The following MTUS2 variants were observed in gnomAD, a reference collection of about 807,000 sequenced individuals.
MTUS2 encodes the protein microtubule associated scaffold protein 2.
MTUS2 carries 40 observed loss-of-function variants against 114.1 expected under a neutral mutation model. That is an observed-to-expected ratio of 0.35 (90% CI 0.27 to 0.46). The LOEUF (loss-of-function observed/expected upper bound fraction) is 0.46. Ranked by LOEUF, MTUS2 falls within the 20% of genes least tolerant of loss-of-function variation. The pLI is 1.00. For missense variants in MTUS2, 1,679 were observed against 1,705.4 expected, an observed-to-expected ratio of 0.98 and a Z score of 0.27; for synonymous variants, 688 against 672.0, an observed-to-expected ratio of 1.02 and a Z score of -0.37.
chr13:29,479,504 C>G (rs1042773945), intron 9 of MTUS2, among the ~76,000 whole-genome samples: 7 of 152,192 alleles, frequency 4.6e-5, no homozygotes, highest in Non-Finnish European at 1.0e-4. Flanking sequence ...AACCATGAAT[C>G]TGTGATTAGG....
intron 8 of MTUS2, among the ~76,000 whole-genome samples, chr13:29,427,827 GT>G (rs1876662017): frequency 6.6e-6 from 1 of 152,152 alleles, no homozygotes; most frequent in African/African-American, 2.4e-5. Flanking sequence ...CCTCTGAGGG[GT>G]ATCAGGGCAT....
intron 3 of MTUS2, among the ~76,000 whole-genome samples, chr13:29,032,783 G>A (rs1163735255): frequency 6.6e-6 from 1 of 152,176 alleles, no homozygotes; most frequent in Non-Finnish European, 1.5e-5. Context: ...CCCCATTAAA[G>A]AATACTGTTA....
intron 2 of MTUS2, among the ~76,000 whole-genome samples, chr13:28,915,188 A>G (rs1311424528): frequency 3.3e-5 from 5 of 151,852 alleles, no homozygotes; most frequent in African/African-American, 1.2e-4. Flanking sequence ...TTCTTTATTT[A>G]TTCATCTGTT....
intron 6 of MTUS2, among the ~76,000 whole-genome samples, chr13:29,323,485 C>T (rs985163215): frequency 3.9e-5 from 6 of 152,100 alleles, no homozygotes; most frequent in African/African-American, 1.2e-4. Flanking sequence ...CTCCTGACCT[C>T]GTGATCCGCC....
Position 29,505,333 on chromosome 13 carries a change from C to G in MTUS2, c.*2127C>G, listed in dbSNP as rs1419007485. Reference sequence around the variant, plus strand: ...GTACAGTGTATTAGGCTGCTGTGGTCAGAGTTGTAGCATCGTTAGCACTAA... The same window carrying G: ...GTACAGTGTATTAGGCTGCTGTGGTGAGAGTTGTAGCATCGTTAGCACTAA... On this transcript the variant is annotated 3_prime_UTR_variant, in exon 16 of 16. Coordinates refer to ENST00000612955, the MANE Select transcript of MTUS2 (RefSeq NM_001033602.4). The G allele has an allele frequency of 4.3e-6, 1 of 231,754 alleles. No individual in the cohort carries two copies. Among genetic ancestry groups the G allele is most frequent in the Non-Finnish European group, 8.6e-6 (1 of 116,950 alleles). 14.4% of individuals were successfully genotyped at this position (231,754 alleles called of 1,614,324 possible). A position where few individuals can be genotyped will look rare whatever the true frequency, so the allele number is the denominator to read the frequency against.
intron 4 of MTUS2, among the ~76,000 whole-genome samples, chr13:29,044,397 A>G (rs779962768): frequency 4.6e-5 from 7 of 152,090 alleles, no homozygotes; most frequent in Non-Finnish European, 1.0e-4. Flanking sequence ...CAGTTTGTTT[A>G]CAATATGCCT....
intron 5 of MTUS2, among the ~76,000 whole-genome samples, chr13:29,276,439 T>G (rs533384593): frequency 7.2e-5 from 11 of 152,338 alleles, no homozygotes; most frequent in African/African-American, 2.6e-4. Flanking sequence ...ATGACCACTG[T>G]TCAGCAGTGA....
intron 2 of MTUS2, among the ~76,000 whole-genome samples, chr13:28,996,803 G>A (rs1390041032): frequency 2.0e-5 from 3 of 151,864 alleles, no homozygotes; most frequent in Non-Finnish European, 4.4e-5. Flanking sequence ...TTCTTTATTA[G>A]TCTTGCTAGC....
At chr13:29,272,551 A>C (rs1566103148) in intron 5 of MTUS2, among the ~76,000 whole-genome samples, 1 of 152,204 alleles carries the variant, frequency 6.6e-6, no homozygotes, top group Non-Finnish European at 1.5e-5. Flanking sequence ...GAAGTAGTGA[A>C]AAGTGCACTG....
chr13:29,073,072 TC>T (rs1415193362), intron 4 of MTUS2, among the ~76,000 whole-genome samples: 2 of 152,180 alleles, frequency 1.3e-5, no homozygotes, highest in Admixed American at 6.5e-5. Context: ...TTTATTCTAA[TC>T]CGGTGGAAAA....
At chr13:28,830,921 A>G (rs1479112059) in intron 1 of MTUS2, among the ~76,000 whole-genome samples, 2 of 152,214 alleles carry the variant, frequency 1.3e-5, no homozygotes, top group Non-Finnish European at 1.5e-5. Flanking sequence ...TATATCCAGC[A>G]AAACTATTAT....
intron 6 of MTUS2, chr13:29,307,890 G>C: frequency 1.8e-6 from 1 of 556,054 alleles, no homozygotes; most frequent in East Asian, 3.4e-5. Context: ...CCCCTCCTCA[G>C]AGTTTCCATG....
chr13:29,237,691 C>G (rs958482464), intron 5 of MTUS2, among the ~76,000 whole-genome samples: 6 of 152,192 alleles, frequency 3.9e-5, no homozygotes, highest in Non-Finnish European at 7.3e-5. Context: ...GGAGATTTCT[C>G]TTTCTTGATT....
At chr13:29,435,685 T>G (rs567438169) in intron 8 of MTUS2, among the ~76,000 whole-genome samples, 1 of 152,256 alleles carries the variant, frequency 6.6e-6, no homozygotes, top group Non-Finnish European at 1.5e-5. Flanking sequence ...TTGACTCATT[T>G]CATTGCAGGG....
intron 7 of MTUS2, among the ~76,000 whole-genome samples, chr13:29,343,751 T>C (rs769379199): frequency 1.3e-5 from 2 of 152,114 alleles, no homozygotes; most frequent in African/African-American, 4.8e-5. Flanking sequence ...GATTGTCTGT[T>C]TGTCCTCTTT....
intron 2 of MTUS2, among the ~76,000 whole-genome samples, chr13:28,863,779 C>A (rs1238482920): frequency 6.6e-6 from 1 of 152,152 alleles, no homozygotes; most frequent in African/African-American, 2.4e-5. Context: ...CTTACTGCAG[C>A]TTCAAACCCC....
chr13:29,092,648 C>T (rs1170556275), intron 4 of MTUS2, among the ~76,000 whole-genome samples: 3 of 152,116 alleles, frequency 2.0e-5, no homozygotes, highest in Non-Finnish European at 4.4e-5. Context: ...GGCTGGTGCA[C>T]AAGCCAGGCA....
At chr13:29,241,540 C>T (rs1227662042) in intron 5 of MTUS2, among the ~76,000 whole-genome samples, 2 of 152,100 alleles carry the variant, frequency 1.3e-5, no homozygotes, top group Non-Finnish European at 2.9e-5. Context: ...GGCCGCCCTC[C>T]CCCAGGTGGA....
chr13:29,409,768 A>G (rs1328353643), intron 8 of MTUS2, among the ~76,000 whole-genome samples: 4 of 151,424 alleles, frequency 2.6e-5, no homozygotes, highest in African/African-American at 4.9e-5. Context: ...ATCATGCCAG[A>G]TAAGTTCATG....
Sources: allele counts gnomAD v4.1 joint callset (sites outside exome capture counted in the v4.1 genomes callset), GRCh38; gene constraint gnomAD v4.1.1; transcripts MANE v1.5; gene names NCBI Gene and HGNC (gene_info 2026-07-23, HGNC 2026-07-21).